C4orf51: variants seen among roughly 807,000 people sequenced by gnomAD.
C4orf51 encodes uncharacterized protein C4orf51.
Under a neutral mutation model 25.2 loss-of-function variants are expected in C4orf51, and 25 were observed. That is an observed-to-expected ratio of 0.99 (90% CI 0.72 to 1.39). The LOEUF (loss-of-function observed/expected upper bound fraction) is 1.39, where lower values mean the gene tolerates loss of function less well. Ranked by LOEUF, C4orf51 falls within the 40% of genes most tolerant of loss-of-function variation. The pLI is 0.00. For synonymous variants in C4orf51, 100 were observed against 84.5 expected, an observed-to-expected ratio of 1.18 and a Z score of -1.01; for missense variants, 252 against 239.6, an observed-to-expected ratio of 1.05 and a Z score of -0.34.
chr4:145,776,035 T>TA, the C4orf51 span: 2 of 1,543,582 alleles, frequency 1.3e-6, no homozygotes, highest in Non-Finnish European at 1.8e-6. Flanking sequence ...AAGAATCAGT[T>TA]AAAGGTATCA....
rs1311184731 is a variant in C4orf51, at chr4:145,765,768, T to TA, written n.167-5218dup. The TA allele has an allele frequency of 1.3e-6, 2 of 1,599,640 alleles. No homozygotes were observed. Among genetic ancestry groups the TA allele is most frequent in the Non-Finnish European group, 1.7e-6 (2 of 1,172,154 alleles). ...AAAATAAGCAAATAACCCAGTCTGTTAATGAGATGAAAATCCTCAGAATTA... is the reference window on the plus strand; with the variant it reads ...AAAATAAGCAAATAACCCAGTCTGTTAAATGAGATGAAAATCCTCAGAATTA... On this transcript the variant is annotated intron_variant and non_coding_transcript_variant, in intron 1 of 1. Transcript: ENST00000510096. This position sits in a 1 kb window ranked among gnomAD's most constrained non-coding sequence, Gnocchi z 4.7.
rs1734758075 is a variant in C4orf51, at chr4:145,762,935, C to T, written n.167-8053C>T. ...GGTCTGGAGAGGTGTTCAGCAGAGC[C>T]CAACACAACCAAGTGCACCGTGCAC... On this transcript the variant is annotated intron_variant and non_coding_transcript_variant, in intron 1 of 1. Transcript: ENST00000510096. The surrounding 1 kb of genome is among the most constrained non-coding windows in gnomAD (Gnocchi z 4.9). Among the ~76,000 whole-genome samples the T allele has an allele frequency of 1.3e-5, 2 of 152,144 alleles. No homozygotes were observed. The highest frequency in any genetic ancestry group is 2.4e-5 in the African/African-American group (1 of 41,424).
intron 2 of C4orf51, among the ~76,000 whole-genome samples, chr4:145,719,486 T>A (rs891639357): frequency 1.3e-4 from 20 of 148,682 alleles, no homozygotes; most frequent in African/African-American, 5.0e-4. Flanking sequence ...GCGCCTATAG[T>A]CCCAGCTACT....
intron 3 of C4orf51, 32 bp from the exon 4 acceptor site, chr4:145,729,136 GT>G (rs1732276033): frequency 7.3e-7 from 1 of 1,377,428 alleles, no homozygotes; most frequent in African/African-American, 1.5e-5. Flanking sequence ...TATGAAAGTG[GT>G]TGGTATTTAT....
downstream of C4orf51, among the ~76,000 whole-genome samples, chr4:145,754,842 A>G (rs1446817330): frequency 6.6e-6 from 1 of 152,224 alleles, no homozygotes. Flanking sequence ...AGGCTGAGGC[A>G]GGAGAATTGC....
intron 1 of C4orf51, among the ~76,000 whole-genome samples, chr4:145,684,206 GGCACGGTGGCTCACACCTGTAATCCCA>G (rs1439655519): frequency 6.6e-6 from 1 of 152,006 alleles, no homozygotes; most frequent in Non-Finnish European, 1.5e-5. Flanking sequence ...CCACTGGCCG[GGCACGGTGGCTCACACCTGTAATCCCA>G]GCACTTTGGG....
At chr4:145,787,148 T>C in the C4orf51 span, among the ~76,000 whole-genome samples, 14 of 152,306 alleles carry the variant, frequency 9.2e-5, no homozygotes, top group African/African-American at 3.4e-4. Flanking sequence ...CTCAATGAAC[T>C]GCTAAGATAG....
At chr4:145,728,637 CTT>C (rs1732249172) in intron 3 of C4orf51, among the ~76,000 whole-genome samples, 9 of 152,146 alleles carry the variant, frequency 5.9e-5, no homozygotes. Context: ...TTTAAAGACA[CTT>C]AATATATGAA....
intron 5 of C4orf51, among the ~76,000 whole-genome samples, chr4:145,730,474 T>G (rs1240550348): frequency 6.6e-6 from 1 of 152,236 alleles, no homozygotes; most frequent in Non-Finnish European, 1.5e-5. Flanking sequence ...CCAGGGCTTT[T>G]AAACAGATTG....
chr4:145,704,029 T>G (rs1195188647), intron 2 of C4orf51, among the ~76,000 whole-genome samples: 3 of 152,210 alleles, frequency 2.0e-5, no homozygotes, highest in African/African-American at 7.2e-5. Context: ...TATATTATCC[T>G]GAGGCCACAG....
downstream of C4orf51, among the ~76,000 whole-genome samples, chr4:145,755,264 C>A (rs1359203832): frequency 6.6e-6 from 1 of 152,200 alleles, no homozygotes; most frequent in Non-Finnish European, 1.5e-5. Flanking sequence ...TAGTTTGTGT[C>A]TGAGCCAGGT....
At chr4:145,694,390 C>A (rs1399603473) in intron 1 of C4orf51, among the ~76,000 whole-genome samples, 2 of 142,772 alleles carry the variant, frequency 1.4e-5, no homozygotes, top group African/African-American at 5.1e-5. Flanking sequence ...CAGCCCTCCA[C>A]CCGGCCAGCC....
At chr4:145,709,078 C>T (rs917376344) in intron 2 of C4orf51, among the ~76,000 whole-genome samples, 1 of 152,154 alleles carries the variant, frequency 6.6e-6, no homozygotes, top group Non-Finnish European at 1.5e-5. Flanking sequence ...CTCACAAAAA[C>T]AGCAACCCTT....
chr4:145,725,207 AAAAT>A (rs1166484948), intron 2 of C4orf51, among the ~76,000 whole-genome samples: 13 of 152,056 alleles, frequency 8.5e-5, no homozygotes, highest in African/African-American at 2.4e-4. Context: ...AATTTTTAAA[AAAAT>A]AAATAAATAG....
intron 2 of C4orf51, among the ~76,000 whole-genome samples, chr4:145,701,602 C>T (rs1056350828): frequency 6.6e-6 from 1 of 151,576 alleles, no homozygotes; most frequent in African/African-American, 2.4e-5. Flanking sequence ...TAGACCATCA[C>T]GGATGCCGAG....
intron 2 of C4orf51, among the ~76,000 whole-genome samples, chr4:145,724,900 A>G (rs959232157): frequency 1.6e-4 from 24 of 150,304 alleles, no homozygotes; most frequent in Non-Finnish European, 3.0e-4. Context: ...AAAAAAAAAA[A>G]AAAGAAAGAA....
chr4:145,783,292 T>C, the C4orf51 span, among the ~76,000 whole-genome samples: 4 of 152,242 alleles, frequency 2.6e-5, no homozygotes, highest in South Asian at 4.1e-4. Flanking sequence ...GTGAGGTGAA[T>C]AGACATTATT....
At chr4:145,734,870 C>G (rs1233589046), downstream of C4orf51, among the ~76,000 whole-genome samples, 2 of 152,184 alleles carry the variant, frequency 1.3e-5, no homozygotes, top group Admixed American at 6.5e-5. Flanking sequence ...ACCAGAGACT[C>G]TTGTTCTTTG....
At chr4:145,706,878 C>T (rs1005363814) in intron 2 of C4orf51, among the ~76,000 whole-genome samples, 3 of 145,198 alleles carry the variant, frequency 2.1e-5, no homozygotes, top group African/African-American at 7.7e-5. Flanking sequence ...GTGGTGGGAT[C>T]TTGGCTCACT....
Sources: gnomAD v4.1 joint callset for allele counts (sites outside exome capture counted in the v4.1 genomes callset) on GRCh38, gnomAD v4.1.1 for gene constraint, Gnocchi (gnomAD v3.1) non-coding constraint, MANE v1.5 for transcripts, NCBI Gene and HGNC (gene_info 2026-07-23, HGNC 2026-07-21) for gene names.